The following WAC variants were observed in gnomAD, a reference collection of about 807,000 sequenced individuals.
WAC encodes WW domain containing adaptor with coiled-coil.
WAC carries 11 observed loss-of-function variants against 79.6 expected under a neutral mutation model. That is an observed-to-expected ratio of 0.14 (90% CI 0.09 to 0.23). WAC has a LOEUF of 0.23. Ranked by LOEUF, WAC falls within the 10% of genes least tolerant of loss-of-function variation. The probability of loss-of-function intolerance (pLI) is 1.00; values close to 1 mark genes in which losing one functional copy is unlikely to be tolerated. For synonymous variants in WAC, 304 were observed against 276.9 expected (o/e 1.10, Z -0.97); for missense variants, 728 against 773.5 (o/e 0.94, Z 0.70).
At chr10:28,570,134 T>C (rs1238442435) in intron 3 of WAC, among the ~76,000 whole-genome samples, 1 of 152,234 alleles carries the variant, frequency 6.6e-6, no homozygotes, top group Non-Finnish European at 1.5e-5. Context: ...TTCCTTGAGG[T>C]AACTCTGCTG....
chr10:28,542,116 C>A (rs1837086172), intron 3 of WAC, among the ~76,000 whole-genome samples: 1 of 152,164 alleles, frequency 6.6e-6, no homozygotes, highest in East Asian at 1.9e-4. Flanking sequence ...GAAGTTTGTT[C>A]CTGTCTCAGG....
intron 7 of WAC, among the ~76,000 whole-genome samples, chr10:28,598,341 C>G (rs931136211): frequency 4.6e-5 from 7 of 151,834 alleles, no homozygotes; most frequent in African/African-American, 7.3e-5. Context: ...TTAGGACTTG[C>G]CATTATCTTT....
At chr10:28,541,861 G>T (rs12261524) in intron 3 of WAC, among the ~76,000 whole-genome samples, 3,456 of 152,100 alleles carry the variant, frequency 0.023, 143 homozygotes, top group African/African-American at 0.078. Context: ...TTCTGCAAGA[G>T]CCCCCTAGTG....
intron 11 of WAC, 77 bp downstream of exon 11, chr10:28,614,762 G>C: frequency 8.3e-7 from 1 of 1,203,932 alleles, no homozygotes; most frequent in East Asian, 2.4e-5. Context: ...TATTATATCT[G>C]TAAAATAGAA....
At position 28,608,225 on chromosome 10, in the gene WAC, C is replaced by T. The variant is rs1279807321; in HGVS notation, c.959C>T (p.Thr320Ile). 3 of 1,614,042 alleles carry T rather than the reference C, an allele frequency of 1.9e-6. No individual in the cohort carries two copies. Among genetic ancestry groups the T allele is most frequent in the South Asian group, 1.1e-5 (1 of 91,088 alleles). The change falls in exon 8 of 14, where the codon ACA becomes ATA. Residue 320 changes from threonine to isoleucine, a missense_variant. Around this residue, in one of 3 missense-constraint regions of WAC, gnomAD observed 648 missense variants for 661.5 expected, o/e 0.98. Coordinates refer to ENST00000354911, the MANE Select transcript of WAC (RefSeq NM_016628.5). Reference protein sequence around the residue: ...SGDKPVSHSCTTPSTSSASGL... With the variant: ...SGDKPVSHSCITPSTSSASGL... The stretch of plus-strand genomic sequence containing the variant: ...GACAAACCCGTATCACATTCTTGCA[C>T]AACTCCTTCCACGTCTTCTGCCTCT...
intron 3 of WAC, among the ~76,000 whole-genome samples, chr10:28,548,916 A>T (rs1391828587): frequency 6.6e-6 from 1 of 152,010 alleles, no homozygotes; most frequent in Non-Finnish European, 1.5e-5. Context: ...TTTGAGGCAG[A>T]GTCTTGTCCT....
At chr10:28,600,097 C>T (rs1353939863) in intron 7 of WAC, among the ~76,000 whole-genome samples, 1 of 152,112 alleles carries the variant, frequency 6.6e-6, no homozygotes, top group South Asian at 2.1e-4. Context: ...AGTAAGTTCT[C>T]TATTTAGTGA....
intron 7 of WAC, among the ~76,000 whole-genome samples, chr10:28,596,693 A>G (rs77114855): frequency 0.013 from 2,018 of 152,328 alleles, 47 homozygotes; most frequent in African/African-American, 0.046. Flanking sequence ...ACCATTCACA[A>G]TCTGAAACTT....
chr10:28,553,407 A>G (rs1454418289), intron 3 of WAC, among the ~76,000 whole-genome samples: 1 of 152,232 alleles, frequency 6.6e-6, no homozygotes, highest in African/African-American at 2.4e-5. Flanking sequence ...AATAGTAGAT[A>G]CTAAGCATTT....
chr10:28,572,105 G>A (rs985499030), intron 3 of WAC, among the ~76,000 whole-genome samples: 1 of 152,102 alleles, frequency 6.6e-6, no homozygotes, highest in Non-Finnish European at 1.5e-5. Context: ...TTGGGAGGCC[G>A]AGGCGGGTGG....
intron 3 of WAC, among the ~76,000 whole-genome samples, chr10:28,565,141 T>A (rs142924587): frequency 7.2e-5 from 11 of 152,202 alleles, no homozygotes; most frequent in African/African-American, 2.7e-4. Context: ...TTGAAAACCA[T>A]CCAAGTTGTT....
At chr10:28,598,169 T>C (rs1840474199) in intron 7 of WAC, among the ~76,000 whole-genome samples, 1 of 152,252 alleles carries the variant, frequency 6.6e-6, no homozygotes, top group Non-Finnish European at 1.5e-5. Flanking sequence ...GGCTCCTTGC[T>C]TAGAAACTTC....
chr10:28,583,355 A>G, intron 3 of WAC, 44 bp from the exon 4 acceptor site: 1 of 1,394,484 alleles, frequency 7.2e-7, no homozygotes. Context: ...TTAAACATGA[A>G]ATACAGTTTA....
intron 7 of WAC, among the ~76,000 whole-genome samples, chr10:28,598,348 CTT>C (rs139311368): frequency 0.023 from 3,458 of 152,256 alleles, 141 homozygotes; most frequent in African/African-American, 0.078. Context: ...TTGCCATTAT[CTT>C]TCCTGTCCTG....
At chr10:28,583,376 A>T (rs1310573033) in intron 3 of WAC, 23 bp from the exon 4 acceptor site, 1 of 1,522,120 alleles carries the variant, frequency 6.6e-7, no homozygotes, top group African/African-American at 1.4e-5. Flanking sequence ...CTTGTAATTC[A>T]CTTTGTTCTT....
chr10:28,595,705 ATC>A lies in WAC; in HGVS notation c.611-26_611-25del, dbSNP rs767269891. On this transcript the variant is annotated intron_variant, in intron 6 of 13. Coordinates refer to ENST00000354911, the MANE Select transcript of WAC (RefSeq NM_016628.5). ...TTCTTCCCCCTTCTGTCATTCCAAC[ATC>A]TGTTTTTTCGAACTGTGAACTAAAG... 3.1e-6 allele frequency: 5 copies of A among 1,598,114 alleles called. No individual in the cohort carries two copies. The African/African-American group carries it at 6.7e-5, about 21-fold the overall frequency.
intron 3 of WAC, among the ~76,000 whole-genome samples, chr10:28,574,618 A>G (rs1473374027): frequency 6.6e-6 from 1 of 151,418 alleles, no homozygotes; most frequent in Non-Finnish European, 1.5e-5. Flanking sequence ...AATTTTTTGT[A>G]TTTTTAGTAG....
At chr10:28,541,009 TAGAG>T (rs914693372) in intron 3 of WAC, among the ~76,000 whole-genome samples, 5 of 152,190 alleles carry the variant, frequency 3.3e-5, no homozygotes, top group Non-Finnish European at 5.9e-5. Flanking sequence ...TTTATATTTT[TAGAG>T]AGATGGTTAT....
chr10:28,605,549 C>A (rs911736099), intron 7 of WAC, among the ~76,000 whole-genome samples: 2 of 152,150 alleles, frequency 1.3e-5, no homozygotes, highest in Admixed American at 1.3e-4. Flanking sequence ...CAACTGGTTT[C>A]CACACTACTC....
Sources: gnomAD v4.1 joint callset for allele counts (sites outside exome capture counted in the v4.1 genomes callset) on GRCh38, gnomAD v4.1.1 for gene constraint, gnomAD v4.1.1 regional missense constraint, MANE v1.5 for transcripts, NCBI Gene and HGNC (gene_info 2026-07-23, HGNC 2026-07-21) for gene names.